Variants in CCNB3 observed in about 807,000 individuals in gnomAD.
CCNB3 encodes the protein cyclin B3.
In CCNB3, 12 loss-of-function variants were observed where a neutral mutation model predicts 68.0. That is an observed-to-expected ratio of 0.18 (90% CI 0.11 to 0.29). The LOEUF (loss-of-function observed/expected upper bound fraction) is 0.29, where lower values mean the gene tolerates loss of function less well. Among genes scored for constraint, CCNB3 ranks in the 10% least tolerant of loss-of-function variants. The probability of loss-of-function intolerance (pLI) is 1.00; values close to 1 mark genes in which losing one functional copy is unlikely to be tolerated. For synonymous variants in CCNB3, 354 were observed against 388.9 expected (o/e 0.91, Z 1.06); for missense variants, 904 against 993.1 (o/e 0.91, Z 1.21).
At chrX:50,297,568 C>T (rs782060244) in intron 5 of CCNB3, among the ~76,000 whole-genome samples, 26 of 112,222 alleles carry the variant, frequency 2.3e-4, no homozygotes, top group South Asian at 1.5e-3. Flanking sequence ...TAGCGTGATG[C>T]CTCCAGCTTT....
chrX:50,310,270 G>A lies in CCNB3; in HGVS notation c.2101G>A (p.Asp701Asn), dbSNP rs1157355234. ...QEALVLQEKTDAEEDSLKNLL... is the reference protein window; with the variant it reads ...QEALVLQEKTNAEEDSLKNLL... Reference sequence around the variant, plus strand: ...GGCTTTGGTCTTGCAAGAGAAGACTGATGCCGAAGAGGATTCCTTGAAGAA... The same window carrying A: ...GGCTTTGGTCTTGCAAGAGAAGACTAATGCCGAAGAGGATTCCTTGAAGAA... The change falls in exon 6 of 13, where the codon GAT becomes AAT. Residue 701 changes from aspartate (D) to asparagine (N), a missense_variant. Asp to Asn is a conservative substitution (Grantham distance 23). Around this residue, in one of 2 missense-constraint regions of CCNB3, gnomAD observed 619 missense variants for 609.8 expected, o/e 1.02. Transcript: ENST00000376042. 4 of 1,211,105 alleles carry A rather than the reference G, an allele frequency of 3.3e-6. No individual in the cohort carries two copies. The highest frequency in any genetic ancestry group is 3.4e-6 in the Non-Finnish European group (3 of 895,007).
chrX:50,318,721 C>G (rs1557216188), intron 8 of CCNB3, among the ~76,000 whole-genome samples: 1 of 111,695 alleles, frequency 9.0e-6, no homozygotes, highest in African/African-American at 3.3e-5. Context: ...AAGGTTGGCC[C>G]TTGGCTGGTA....
At chrX:50,300,328 G>A (rs1354427898) in intron 5 of CCNB3, among the ~76,000 whole-genome samples, 1 of 111,175 alleles carries the variant, frequency 9.0e-6, no homozygotes, top group Non-Finnish European at 1.9e-5. Flanking sequence ...GGGCAGGCCT[G>A]GTGGTGACAA....
intron 8 of CCNB3, among the ~76,000 whole-genome samples, chrX:50,323,355 G>A (rs1444973321): frequency 2.8e-5 from 3 of 105,876 alleles, no homozygotes; most frequent in African/African-American, 1.0e-4. Flanking sequence ...CACTCAGGTG[G>A]GAGTTGAACA....
intron 12 of CCNB3, 100 bp from the exon 13 acceptor site, chrX:50,351,507 A>G: frequency 9.5e-7 from 1 of 1,049,057 alleles, no homozygotes. Flanking sequence ...CTAGGGTTAA[A>G]GCAAGATAGG....
chrX:50,334,936 C>T (rs782159597), intron 8 of CCNB3, among the ~76,000 whole-genome samples: 73 of 111,917 alleles, frequency 6.5e-4, no homozygotes, highest in Non-Finnish European at 1.1e-3. Context: ...CTCCAGGCTG[C>T]GCTCCCCTTT....
At chrX:50,294,780 G>T in intron 4 of CCNB3, 83 bp from the exon 5 acceptor site, 1 of 1,089,987 alleles carries the variant, frequency 9.2e-7, no homozygotes, top group Non-Finnish European at 1.2e-6. Context: ...TCCTATGAGA[G>T]CCACCTTTTA....
intron 5 of CCNB3, among the ~76,000 whole-genome samples, chrX:50,297,099 G>A (rs1210955258): frequency 2.0e-4 from 22 of 111,009 alleles, no homozygotes; most frequent in African/African-American, 4.9e-4. Flanking sequence ...CTCTGATGGT[G>A]GTTTCTTTTG....
intron 11 of CCNB3, among the ~76,000 whole-genome samples, chrX:50,350,017 T>C (rs1490910898): frequency 9.0e-6 from 1 of 110,918 alleles, no homozygotes; most frequent in African/African-American, 3.3e-5. Context: ...GCTGCTGTGT[T>C]CCTCCAGTGT....
chrX:50,334,280 A>G (rs921330797), intron 8 of CCNB3, among the ~76,000 whole-genome samples: 1 of 112,565 alleles, frequency 8.9e-6, no homozygotes, highest in African/African-American at 3.2e-5. Context: ...ACCTCTACAC[A>G]GTTATGCTCT....
At chrX:50,226,287 A>G (rs1454724384) in intron 1 of CCNB3, among the ~76,000 whole-genome samples, 1 of 64,677 alleles carries the variant, frequency 1.5e-5, no homozygotes, top group Admixed American at 2.6e-4. Context: ...ATATTTATAT[A>G]TATAGAATAT....
At chrX:50,209,131 T>C (rs1340162630) in intron 1 of CCNB3, among the ~76,000 whole-genome samples, 2 of 111,412 alleles carry the variant, frequency 1.8e-5, no homozygotes, top group Non-Finnish European at 3.8e-5. Context: ...CATTGATATA[T>C]TAATACAAAG....
chrX:50,223,404 C>T (rs1433581329), intron 1 of CCNB3, among the ~76,000 whole-genome samples: 2 of 111,771 alleles, frequency 1.8e-5, no homozygotes, highest in African/African-American at 6.5e-5. Flanking sequence ...GTGGATTTAT[C>T]TACCTTTGGT....
rs202163192 is a variant in CCNB3 at position 50,308,856 on chromosome X, A to C, written c.687A>C (p.Leu229Phe). ...AGGCAGCCATCACCAAGAAGACATTATCCTTAAAGAAGAAGATGTGTGCAA... is the reference window on the plus strand; with the variant it reads ...AGGCAGCCATCACCAAGAAGACATTCTCCTTAAAGAAGAAGATGTGTGCAA... Reference protein sequence around the residue: ...TEEAAITKKTLSLKKKMCASQ... With the variant: ...TEEAAITKKTFSLKKKMCASQ... Residue 229 changes from leucine (L) to phenylalanine (F), a missense_variant, in exon 6 of 13, where the codon TTA becomes TTC. Around this residue, in one of 2 missense-constraint regions of CCNB3, gnomAD observed 619 missense variants for 609.8 expected, o/e 1.02. Coordinates refer to ENST00000376042, the MANE Select transcript of CCNB3 (RefSeq NM_033031.3). The C allele has an allele frequency of 8.3e-7, 1 of 1,209,428 alleles. No homozygotes were observed. The highest frequency in any genetic ancestry group is 1.1e-6 in the Non-Finnish European group (1 of 895,071).
At chrX:50,336,333 G>A (rs782545857) in intron 8 of CCNB3, among the ~76,000 whole-genome samples, 11 of 111,478 alleles carry the variant, frequency 9.9e-5, no homozygotes, top group Non-Finnish European at 1.3e-4. Context: ...TCCTTTTGGG[G>A]GAATTCCCCT....
chrX:50,228,652 A>AAT (rs1480300597), intron 1 of CCNB3, among the ~76,000 whole-genome samples: 3 of 81,884 alleles, frequency 3.7e-5, no homozygotes, highest in Non-Finnish European at 6.7e-5. Context: ...ATATATATAG[A>AAT]ATATATAGAA....
intron 11 of CCNB3, among the ~76,000 whole-genome samples, chrX:50,350,243 A>G (rs1205062541): frequency 1.1e-5 from 1 of 93,291 alleles, no homozygotes; most frequent in African/African-American, 4.7e-5. Context: ...ACACACATAC[A>G]CAAATACACA....
intron 1 of CCNB3, among the ~76,000 whole-genome samples, chrX:50,226,671 A>ATC (rs1935829031): frequency 1.4e-5 from 1 of 70,146 alleles, no homozygotes; most frequent in African/African-American, 5.4e-5. Flanking sequence ...AAATATATAT[A>ATC]GAACATATCT....
intron 4 of CCNB3, among the ~76,000 whole-genome samples, chrX:50,290,398 C>T (rs1039674051): frequency 1.8e-5 from 2 of 111,401 alleles, no homozygotes; most frequent in Admixed American, 1.9e-4. Flanking sequence ...CAAGCTTCCT[C>T]GGGCCTCTTT....
Sources: gnomAD v4.1 joint callset for allele counts (sites outside exome capture counted in the v4.1 genomes callset) on GRCh38, gnomAD v4.1.1 for gene constraint, gnomAD v4.1.1 regional missense constraint, MANE v1.5 for transcripts, NCBI Gene and HGNC (gene_info 2026-07-23, HGNC 2026-07-21) for gene names.